The following PCSK1 variants were observed in gnomAD, a reference collection of about 807,000 sequenced individuals.
PCSK1 encodes proprotein convertase subtilisin/kexin type 1, also known as neuroendocrine convertase 1.
A neutral mutation model predicts 90.6 loss-of-function variants in PCSK1; 56 were observed. That is an observed-to-expected ratio of 0.62 (90% CI 0.50 to 0.77). PCSK1 has a LOEUF of 0.77. Ranked by LOEUF, PCSK1 falls within the 30% of genes least tolerant of loss-of-function variation. PCSK1 has a pLI of 0.00. For missense variants in PCSK1, 801 were observed against 932.6 expected (o/e 0.86, Z 1.84); for synonymous variants, 348 against 342.4 (o/e 1.02, Z -0.18).
At chr5:96,428,078 A>G (rs911135824) in intron 2 of PCSK1, among the ~76,000 whole-genome samples, 1 of 152,154 alleles carries the variant, frequency 6.6e-6, no homozygotes, top group African/African-American at 2.4e-5. Flanking sequence ...TGTTTCTTTT[A>G]CATTCGAACA....
chr5:96,411,678 G>T (rs527702348), intron 7 of PCSK1, among the ~76,000 whole-genome samples: 1 of 152,266 alleles, frequency 6.6e-6, no homozygotes, highest in African/African-American at 2.4e-5. Context: ...TTTTTTACTA[G>T]TGTAAAAACC....
chr5:96,410,679 G>A (rs575285630), intron 8 of PCSK1, 95 bp downstream of exon 8: 71 of 1,009,264 alleles, frequency 7.0e-5, no homozygotes, highest in Admixed American at 1.2e-4. Context: ...AAGCTTAAGC[G>A]AATCAGTCGT....
chr5:96,419,946 T>C (rs1278583279), intron 5 of PCSK1, among the ~76,000 whole-genome samples: 1 of 152,066 alleles, frequency 6.6e-6, no homozygotes, highest in Non-Finnish European at 1.5e-5. Context: ...GTACAAGTTA[T>C]CACCCACACT....
At chr5:96,398,583 A>C (rs1760245618) in intron 11 of PCSK1, among the ~76,000 whole-genome samples, 1 of 152,206 alleles carries the variant, frequency 6.6e-6, no homozygotes, top group Non-Finnish European at 1.5e-5. Flanking sequence ...CTAAGAGAAA[A>C]GTGATAGGTC....
chr5:96,425,064 G>GAAAGAA (rs1352045042), intron 3 of PCSK1, among the ~76,000 whole-genome samples: 1 of 137,560 alleles, frequency 7.3e-6, no homozygotes, highest in East Asian at 2.1e-4. Context: ...AAGAAAGAAA[G>GAAAGAA]AAAGAAAGAA....
chr5:96,432,578 A>C (rs1761540629), intron 1 of PCSK1, among the ~76,000 whole-genome samples: 1 of 152,116 alleles, frequency 6.6e-6, no homozygotes, highest in African/African-American at 2.4e-5. Flanking sequence ...TTTTCTTCCA[A>C]ACCGCGCGGG....
intron 1 of PCSK1, among the ~76,000 whole-genome samples, chr5:96,430,361 G>A (rs560702521): frequency 1.6e-4 from 24 of 152,292 alleles, no homozygotes; most frequent in Non-Finnish European, 2.2e-4. Flanking sequence ...CAGAAGAAAC[G>A]TGTTCTTTAA....
chr5:96,398,161 C>T (rs1039519781), intron 11 of PCSK1, among the ~76,000 whole-genome samples: 5 of 152,106 alleles, frequency 3.3e-5, no homozygotes, highest in Admixed American at 3.3e-4. Flanking sequence ...GAAAGCATAA[C>T]TTCAAAATTA....
At position 96,392,800 on chromosome 5, in the gene PCSK1, A is replaced by C; in HGVS notation, c.*201T>G. 1 of 631,182 alleles carries C rather than the reference A, an allele frequency of 1.6e-6. No individual in the cohort carries two copies. The highest frequency in any genetic ancestry group is 2.8e-6 in the Non-Finnish European group (1 of 356,048). 39.1% of individuals were successfully genotyped at this position (631,182 alleles called of 1,614,324 possible). ...AGACAGGAAAGATGTGTTTTGAAAT[A>C]CCTATGATCAATTCTGGAAGTTGAA... On this transcript the variant is annotated 3_prime_UTR_variant, in exon 14 of 14. Transcript: ENST00000311106.
rs149426497 is a variant in PCSK1, at chr5:96,391,502, T to A, written c.*1499A>T. The stretch of plus-strand genomic sequence containing the variant: ...AGTGATCATCCAGGTGAGGTGAGAT[T>A]ACATAAGCAAACTCATAATTATTAT... On this transcript the variant is annotated 3_prime_UTR_variant, in exon 14 of 14. Coordinates refer to ENST00000311106, the MANE Select transcript of PCSK1 (RefSeq NM_000439.5). 1.3e-5 allele frequency: 2 copies of A among 152,354 alleles called. No homozygotes were observed. The highest frequency in any genetic ancestry group is 4.8e-5 in the African/African-American group (2 of 41,582). 9.4% of individuals were successfully genotyped at this position (152,354 alleles called of 1,614,324 possible).
At chr5:96,404,583 T>C (rs781029196) in intron 9 of PCSK1, among the ~76,000 whole-genome samples, 1 of 152,198 alleles carries the variant, frequency 6.6e-6, no homozygotes, top group South Asian at 2.1e-4. Context: ...AGAAAACTTA[T>C]AAGAAACTCA....
rs772569593 is a variant in PCSK1, at chr5:96,393,223, C to A, written c.2040G>T (p.Pro680=). 2 of 1,613,852 alleles carry A rather than the reference C, an allele frequency of 1.2e-6. No individual in the cohort carries two copies. The highest frequency in any genetic ancestry group is 1.7e-6 in the Non-Finnish European group (2 of 1,179,980). The change falls in exon 14 of 14, where the codon CCG becomes CCT. Residue 680 remains proline, a synonymous_variant. Transcript: ENST00000311106. ...LLQSAFSKNS[P]PKQSPKKSPS... Reference sequence around the variant, plus strand: ...GGGACTTCTTTGGTGATTGCTTTGGCGGTGAGTTTTTACTGAAAGCACTTT... The same window carrying A: ...GGGACTTCTTTGGTGATTGCTTTGGAGGTGAGTTTTTACTGAAAGCACTTT...
In PCSK1 at chr5:96,410,916, T is replaced by A; in HGVS notation, c.953A>T (p.Asp318Val). ...GNGGRQGDNCDCDGYTDSIYT... is the reference protein window; with the variant it reads ...GNGGRQGDNCVCDGYTDSIYT... ...GATGCTGTCTGTGTAGCCATCACAG[T>A]CACAATTATCTCCCTGACGCCCCCC... is the stretch of plus-strand genomic sequence containing the variant. The change falls in exon 8 of 14, where the codon GAC becomes GTC. Residue 318 changes from aspartate to valine, a missense_variant. Transcript: ENST00000311106. The A allele has an allele frequency of 1.9e-6, 3 of 1,612,740 alleles. No individual in the cohort carries two copies. Among genetic ancestry groups the A allele is most frequent in the Non-Finnish European group, 2.5e-6 (3 of 1,179,478 alleles).
intron 5 of PCSK1, among the ~76,000 whole-genome samples, chr5:96,421,533 G>T (rs534754652): frequency 1.3e-5 from 2 of 152,304 alleles, no homozygotes; most frequent in East Asian, 3.9e-4. Flanking sequence ...AAAGCATGTT[G>T]CTAAGAGTAA....
At position 96,410,972 on chromosome 5, in the gene PCSK1, C is replaced by T. The variant is rs1760735417; in HGVS notation, c.897G>A (p.Lys299=). The T allele has an allele frequency of 1.9e-6, 3 of 1,612,842 alleles. No homozygotes were observed. Among genetic ancestry groups the T allele is most frequent in the Admixed American group, 3.3e-5 (2 of 60,004 alleles). Residue 299 remains lysine, a synonymous_variant, in exon 8 of 14, where the codon AAG becomes AAA. Transcript: ENST00000311106. ...CCGAAGCCCAGACGAAGATGGACCCCTTCCCCTGTCTCCCCTAAAGGAAAA... is the reference window on the plus strand; with the variant it reads ...CCGAAGCCCAGACGAAGATGGACCCTTTCCCCTGTCTCCCCTAAAGGAAAA... ...EYGVKQGRQG[K]GSIFVWASGN... is the part of the protein sequence containing the mutation.
chr5:96,411,949 A>G (rs1760767672), intron 7 of PCSK1, among the ~76,000 whole-genome samples: 2 of 152,150 alleles, frequency 1.3e-5, no homozygotes, highest in Non-Finnish European at 2.9e-5. Context: ...AGCTGGGACT[A>G]TAGGCATCTA....
chr5:96,431,972 C>CT (rs1334357233), intron 1 of PCSK1: 1 of 740,082 alleles, frequency 1.4e-6, no homozygotes, highest in East Asian at 2.7e-5. Flanking sequence ...TATAAGCAGT[C>CT]TCCCACTTAA....
rs754068131 is a variant in PCSK1, at chr5:96,423,437, G to A, written c.419C>T (p.Ala140Val). Residue 140 changes from alanine (A) to valine (V), a missense_variant, in exon 4 of 14, where the codon GCC becomes GTC. Ala to Val is a moderately conservative substitution (Grantham distance 64). Transcript: ENST00000311106. ...CACATGAAGGTCCAGCTTGGGCAGG[G>A]CTGCCGTCATCCTGGTATCTTGCTG... ...WYLQDTRMTA[A>V]LPKLDLHVIP... 2.5e-6 allele frequency: 4 copies of A among 1,614,012 alleles called. No individual in the cohort carries two copies. In the South Asian group the frequency reaches 3.3e-5, roughly 13 times the overall value.
rs886060890 is a variant in PCSK1 at position 96,433,189 on chromosome 5, G to T, written c.-147C>A. 3 of 766,060 alleles carry T rather than the reference G, an allele frequency of 3.9e-6. No individual in the cohort carries two copies. The highest frequency in any genetic ancestry group is 1.7e-5 in the African/African-American group (1 of 58,330). 47.5% of individuals were successfully genotyped at this position (766,060 alleles called of 1,614,324 possible). On this transcript the variant is annotated 5_prime_UTR_variant, in exon 1 of 14. Coordinates refer to ENST00000311106, the MANE Select transcript of PCSK1 (RefSeq NM_000439.5). ...TGCTCTGCGAAGAGCTAGGAGGCGC[G>T]AGAGGAGAGGCTGGGCGGCGGCGAG...
Sources: allele counts gnomAD v4.1 joint callset (sites outside exome capture counted in the v4.1 genomes callset), GRCh38; gene constraint gnomAD v4.1.1; transcripts MANE v1.5; gene names NCBI Gene and HGNC (gene_info 2026-07-23, HGNC 2026-07-21).